The following CUX1 variants were observed in gnomAD, a reference collection of about 807,000 sequenced individuals.
CUX1 encodes the protein protein CASP.
In CUX1, 31 loss-of-function variants were observed where a neutral mutation model predicts 158.8. That is an observed-to-expected ratio of 0.20 (90% CI 0.15 to 0.26). The LOEUF (loss-of-function observed/expected upper bound fraction) is 0.26, where lower values mean the gene tolerates loss of function less well. Among genes scored for constraint, CUX1 ranks in the 10% least tolerant of loss-of-function variants. The probability of loss-of-function intolerance (pLI) is 1.00; values close to 1 mark genes in which losing one functional copy is unlikely to be tolerated. For missense variants in CUX1, 1,589 were observed against 2,014.6 expected, an observed-to-expected ratio of 0.79 and a Z score of 4.04; for synonymous variants, 879 against 862.1, an observed-to-expected ratio of 1.02 and a Z score of -0.34.
At chr7:102,144,823 C>T (rs1207976878) in intron 8 of CUX1, among the ~76,000 whole-genome samples, 2 of 151,960 alleles carry the variant, frequency 1.3e-5, no homozygotes, top group Admixed American at 6.6e-5. Context: ...CGCAATGGCT[C>T]ACGTCTGTAA....
intron 14 of CUX1, among the ~76,000 whole-genome samples, chr7:102,270,504 C>T (rs1277606378): frequency 1.3e-5 from 2 of 152,202 alleles, no homozygotes; most frequent in African/African-American, 4.8e-5. Flanking sequence ...CTACCCACAG[C>T]CTTCCCTCCA....
At chr7:102,128,813 A>G (rs1282793803) in intron 8 of CUX1, among the ~76,000 whole-genome samples, 1 of 151,992 alleles carries the variant, frequency 6.6e-6, no homozygotes, top group Non-Finnish European at 1.5e-5. Context: ...CCCTGTCTCT[A>G]TTAAAAATAC....
At chr7:102,140,125 G>T (rs1554499800) in intron 8 of CUX1, among the ~76,000 whole-genome samples, 1 of 152,192 alleles carries the variant, frequency 6.6e-6, no homozygotes, top group Admixed American at 6.5e-5. Flanking sequence ...AGATTTAAAG[G>T]AGCATAGCTC....
chr7:102,271,853 C>T (rs1791235398), intron 14 of CUX1, among the ~76,000 whole-genome samples: 2 of 152,176 alleles, frequency 1.3e-5, no homozygotes, highest in South Asian at 4.1e-4. Context: ...TAAACCCCGT[C>T]TCTACTAAAA....
At chr7:102,148,557 A>G (rs1292409692) in intron 8 of CUX1, among the ~76,000 whole-genome samples, 3 of 151,728 alleles carry the variant, frequency 2.0e-5, no homozygotes, top group Non-Finnish European at 4.4e-5. Context: ...ACAAACAAAC[A>G]AAAAAACAAA....
intron 2 of CUX1, among the ~76,000 whole-genome samples, chr7:102,000,124 G>A (rs1022823306): frequency 3.9e-5 from 6 of 152,048 alleles, no homozygotes; most frequent in Non-Finnish European, 5.9e-5. Flanking sequence ...GCTGAGGCAG[G>A]AGAATCCCTT....
Position 102,235,521 on chromosome 7 carries a change from T to C in CUX1, c.3622+1281T>C, listed in dbSNP as rs549315493. On this transcript the variant is annotated intron_variant, in intron 22 of 23. Transcript: ENST00000292535. The stretch of plus-strand genomic sequence containing the variant: ...TTCAAGACCAGCCTCAGCAACATAG[T>C]GAAACCCCATCTCTACTGAAAAATA... Among the ~76,000 whole-genome samples the C allele has an allele frequency of 1.4e-4, 21 of 152,060 alleles. No homozygotes were observed. The East Asian group carries it at 3.3e-3, about 24-fold the overall frequency.
chr7:102,255,929 T>G lies in CUX1; in HGVS notation c.*6887T>G. ...TGCAATTGAAATCATTTTTCTTCAT[T>G]TTAAAAAAATAACGTATTGCACACC... is the stretch of plus-strand genomic sequence containing the variant. On this transcript the variant is annotated 3_prime_UTR_variant, in exon 24 of 24. Coordinates refer to ENST00000292535, the MANE Select transcript of CUX1 (RefSeq NM_181552.4). 1 of 985,426 alleles carries G rather than the reference T, an allele frequency of 1.0e-6. No individual in the cohort carries two copies. The allele number at this position is 985,426 out of a possible 1,614,324, so 61.0% of individuals were successfully genotyped here.
intron 2 of CUX1, among the ~76,000 whole-genome samples, chr7:101,940,139 C>T (rs1807525742): frequency 6.7e-6 from 1 of 149,954 alleles, no homozygotes; most frequent in Non-Finnish European, 1.5e-5. Flanking sequence ...ACTTAGGAGG[C>T]TGAGGCAGGA....
At chr7:102,195,711 G>C in intron 14 of CUX1, 108 bp downstream of exon 14, 1 of 1,013,180 alleles carries the variant, frequency 9.9e-7, no homozygotes, top group Non-Finnish European at 1.4e-6. Context: ...GGCCAGAGAA[G>C]CGCCGGTTGA....
intron 2 of CUX1, among the ~76,000 whole-genome samples, chr7:101,981,934 A>AT (rs1813500068): frequency 6.6e-6 from 1 of 152,172 alleles, no homozygotes; most frequent in Admixed American, 6.5e-5. Flanking sequence ...GACTCTAATA[A>AT]AACCAGGGAG....
chr7:101,895,911 T>TTG (rs1562975128), intron 1 of CUX1, among the ~76,000 whole-genome samples: 11 of 110,768 alleles, frequency 9.9e-5, no homozygotes, highest in South Asian at 3.3e-4. Context: ...TGTTTTTGTT[T>TTG]TTTTTTTTTT....
rs1801188127 is a variant in CUX1, at chr7:102,249,104, G to A, written c.*62G>A. Reference sequence around the variant, plus strand: ...CGCAAGGGCCTGGACGGGGTCGGACGGGGCAGGCGCTGCGGACACCGTGGC... The same window carrying A: ...CGCAAGGGCCTGGACGGGGTCGGACAGGGCAGGCGCTGCGGACACCGTGGC... On this transcript the variant is annotated 3_prime_UTR_variant, in exon 24 of 24. Coordinates refer to ENST00000292535, the MANE Select transcript of CUX1 (RefSeq NM_181552.4). 3.3e-6 allele frequency: 4 copies of A among 1,201,434 alleles called. No individual in the cohort carries two copies. Among genetic ancestry groups the A allele is most frequent in the Non-Finnish European group, 4.1e-6 (4 of 964,236 alleles). 74.4% of individuals were successfully genotyped at this position (1,201,434 alleles called of 1,614,324 possible).
chr7:102,112,719 C>T (rs1378769257), intron 7 of CUX1, among the ~76,000 whole-genome samples: 4 of 151,970 alleles, frequency 2.6e-5, no homozygotes, highest in South Asian at 2.1e-4. Context: ...TACAGATGCC[C>T]GCCATAATAC....
chr7:102,005,124 G>T (rs1817169112), intron 2 of CUX1, among the ~76,000 whole-genome samples: 1 of 152,108 alleles, frequency 6.6e-6, no homozygotes, highest in Non-Finnish European at 1.5e-5. Context: ...GGCTCTGTCA[G>T]CTTCTACCCA....
intron 8 of CUX1, among the ~76,000 whole-genome samples, chr7:102,125,001 C>T (rs947979303): frequency 3.9e-5 from 6 of 152,072 alleles, no homozygotes; most frequent in East Asian, 3.9e-4. Context: ...AGGCTGGTCT[C>T]GATCTCCTGA....
At chr7:101,951,295 C>T (rs879528426) in intron 2 of CUX1, among the ~76,000 whole-genome samples, 35 of 151,158 alleles carry the variant, frequency 2.3e-4, no homozygotes, top group Non-Finnish European at 4.4e-4. Context: ...CATGCCACCG[C>T]ACTCCAGCCT....
Position 102,251,883 on chromosome 7 carries a change from A to G in CUX1, c.*2841A>G. The G allele has an allele frequency of 1.2e-5, 12 of 985,390 alleles. No individual in the cohort carries two copies. Among genetic ancestry groups the G allele is most frequent in the Non-Finnish European group, 1.4e-5 (12 of 829,854 alleles). 61.0% of individuals were successfully genotyped at this position (985,390 alleles called of 1,614,324 possible). On this transcript the variant is annotated 3_prime_UTR_variant, in exon 24 of 24. Transcript: ENST00000292535. The stretch of plus-strand genomic sequence containing the variant: ...TAAATCTGAGGAAATTGACAAATAC[A>G]GATTTGTCCATTCTAGTGGCCAAAC...
At chr7:102,199,674 G>C (rs543516648) in intron 16 of CUX1, among the ~76,000 whole-genome samples, 1 of 152,212 alleles carries the variant, frequency 6.6e-6, no homozygotes, top group Non-Finnish European at 1.5e-5. Flanking sequence ...TATCCTGTGT[G>C]GGACCCCAGC....
Sources: gnomAD v4.1 joint callset for allele counts (sites outside exome capture counted in the v4.1 genomes callset) on GRCh38, gnomAD v4.1.1 for gene constraint, MANE v1.5 for transcripts, NCBI Gene and HGNC (gene_info 2026-07-23, HGNC 2026-07-21) for gene names.